The following PRR16 variants were observed in gnomAD, a reference collection of about 807,000 sequenced individuals.
PRR16 encodes the protein proline rich 16.
In PRR16, 6 loss-of-function variants were observed where a neutral mutation model predicts 18.2. The observed-to-expected ratio is 0.33, with a 90% CI of 0.18 to 0.65. The LOEUF is 0.65. Among genes scored for constraint, PRR16 ranks in the 30% least tolerant of loss-of-function variants. The probability of loss-of-function intolerance (pLI) is 0.74; values close to 1 mark genes in which losing one functional copy is unlikely to be tolerated. For synonymous variants in PRR16, 151 were observed against 147.8 expected, an observed-to-expected ratio of 1.02 and a Z score of -0.16; for missense variants, 412 against 376.6, an observed-to-expected ratio of 1.09 and a Z score of -0.78.
intron 1 of PRR16, among the ~76,000 whole-genome samples, chr5:120,534,268 G>A (rs1209347369): frequency 1.3e-5 from 2 of 152,042 alleles, no homozygotes; most frequent in African/African-American, 4.8e-5. Flanking sequence ...TTGAGTCTGG[G>A]GCATTCAGCA....
chr5:120,542,570 C>T (rs945888710), intron 1 of PRR16, among the ~76,000 whole-genome samples: 9 of 152,242 alleles, frequency 5.9e-5, no homozygotes, highest in African/African-American at 1.9e-4. Context: ...AAGATACCAC[C>T]TCTCATTTAA....
chr5:120,619,208 T>C (rs1234953558), intron 1 of PRR16, among the ~76,000 whole-genome samples: 1 of 152,116 alleles, frequency 6.6e-6, no homozygotes. Context: ...GCCCTTTAGA[T>C]TGCCGCTGCA....
rs1280290778 is a variant in PRR16 at position 120,657,585 on chromosome 5, A to G, written c.160-28369A>G. ...TATCTTAGTCTAAATACTGAATCCC[A>G]GAGTTACCCATTCAGTCCCACAAGA... On this transcript the variant is annotated intron_variant, in intron 1 of 1. Coordinates refer to ENST00000407149, the MANE Select transcript of PRR16 (RefSeq NM_001300783.2). Among the ~76,000 whole-genome samples, 8 of 152,108 alleles carry G rather than the reference A, an allele frequency of 5.3e-5. No homozygotes were observed. The South Asian group carries it at 1.2e-3, about 24-fold the overall frequency.
chr5:120,770,923 A>AAC, the PRR16 span, among the ~76,000 whole-genome samples: 21 of 68,438 alleles, frequency 3.1e-4, no homozygotes, highest in African/African-American at 8.6e-4. Flanking sequence ...GACTCATTGG[A>AAC]ACACTCTCTC....
chr5:120,575,353 A>ACG (rs1281799559), intron 1 of PRR16, among the ~76,000 whole-genome samples: 2 of 151,558 alleles, frequency 1.3e-5, no homozygotes, highest in Admixed American at 1.3e-4. Context: ...ACACACACAC[A>ACG]CGAAAACTAC....
chr5:120,515,161 G>C (rs560164921), intron 1 of PRR16, among the ~76,000 whole-genome samples: 1 of 152,254 alleles, frequency 6.6e-6, no homozygotes, highest in African/African-American at 2.4e-5. Context: ...AGGCATTAAA[G>C]GGGTGAGAGA....
At chr5:120,780,807 C>A in the PRR16 span, among the ~76,000 whole-genome samples, 2 of 152,118 alleles carry the variant, frequency 1.3e-5, no homozygotes, top group African/African-American at 4.8e-5. Context: ...TCCCGGCGCT[C>A]TGGGAGGCCG....
intron 1 of PRR16, among the ~76,000 whole-genome samples, chr5:120,558,468 A>G (rs907215371): frequency 1.3e-5 from 2 of 151,970 alleles, no homozygotes; most frequent in African/African-American, 4.8e-5. Flanking sequence ...TGTTGTAGAA[A>G]ATACAGGATG....
At chr5:120,711,547 A>G in the PRR16 span, among the ~76,000 whole-genome samples, 1 of 152,216 alleles carries the variant, frequency 6.6e-6, no homozygotes, top group Non-Finnish European at 1.5e-5. Flanking sequence ...CATTCAGCAG[A>G]AGGATATTAA....
At chr5:120,647,737 A>G (rs1755646310) in intron 1 of PRR16, among the ~76,000 whole-genome samples, 1 of 152,096 alleles carries the variant, frequency 6.6e-6, no homozygotes, top group Admixed American at 6.6e-5. Context: ...TATACAGCCT[A>G]GAAAATGTTG....
intron 1 of PRR16, among the ~76,000 whole-genome samples, chr5:120,615,103 A>T (rs1754462424): frequency 6.6e-6 from 1 of 152,132 alleles, no homozygotes; most frequent in African/African-American, 2.4e-5. Context: ...TAAAAGTGTG[A>T]AATTCTTTCC....
intron 1 of PRR16, among the ~76,000 whole-genome samples, chr5:120,528,716 G>A (rs755753052): frequency 2.0e-5 from 3 of 152,112 alleles, no homozygotes; most frequent in Non-Finnish European, 4.4e-5. Flanking sequence ...GTCTGAGCAT[G>A]ATGCAAGACC....
the PRR16 span, among the ~76,000 whole-genome samples, chr5:120,745,737 C>T: frequency 6.6e-6 from 1 of 151,692 alleles, no homozygotes; most frequent in African/African-American, 2.4e-5. Flanking sequence ...CTCACTCTGT[C>T]ACCAAGGCTG....
chr5:120,530,297 T>TATATAGATA (rs1751510654), intron 1 of PRR16, among the ~76,000 whole-genome samples: 1 of 125,542 alleles, frequency 8.0e-6, no homozygotes, highest in African/African-American at 3.4e-5. Flanking sequence ...ATTTATTTAT[T>TATATAGATA]TATTTATTTA....
chr5:120,681,951 C>G (rs1194939487), intron 1 of PRR16, among the ~76,000 whole-genome samples: 1 of 152,154 alleles, frequency 6.6e-6, no homozygotes, highest in Non-Finnish European at 1.5e-5. Context: ...TTGTTTGAAA[C>G]TGTGTACTTT....
At chr5:120,512,551 A>T (rs1750862179) in intron 1 of PRR16, among the ~76,000 whole-genome samples, 2 of 152,084 alleles carry the variant, frequency 1.3e-5, no homozygotes, top group South Asian at 4.1e-4. Flanking sequence ...AGAATCTGAG[A>T]CTAGAATCAT....
chr5:120,754,205 A>ATATTATAATATATAATATAT, the PRR16 span, among the ~76,000 whole-genome samples: 2 of 77,952 alleles, frequency 2.6e-5, no homozygotes, highest in Non-Finnish European at 4.9e-5. Flanking sequence ...TATATATTAT[A>ATATTATAATATATAATATAT]AATTATATAT....
intron 1 of PRR16, among the ~76,000 whole-genome samples, chr5:120,498,097 T>C (rs186910703): frequency 1.1e-3 from 162 of 151,250 alleles, no homozygotes; most frequent in African/African-American, 3.8e-3. Context: ...TTTTTGGCAT[T>C]CCTTCTCTCT....
At chr5:120,571,551 G>T (rs1043485013) in intron 1 of PRR16, among the ~76,000 whole-genome samples, 4 of 152,074 alleles carry the variant, frequency 2.6e-5, no homozygotes, top group African/African-American at 9.7e-5. Flanking sequence ...GATCAAAAGG[G>T]TGGTATATTT....
Sources: gnomAD v4.1 joint callset for allele counts (sites outside exome capture counted in the v4.1 genomes callset) on GRCh38, gnomAD v4.1.1 for gene constraint, MANE v1.5 for transcripts, NCBI Gene and HGNC (gene_info 2026-07-23, HGNC 2026-07-21) for gene names.